The following FRMD4B variants were observed in gnomAD, a reference collection of about 807,000 sequenced individuals.
The protein encoded by FRMD4B is FERM domain containing 4B, also known as FERM domain-containing protein 4B.
Under a neutral mutation model 141.5 loss-of-function variants are expected in FRMD4B, and 74 were observed. The observed-to-expected ratio is 0.52, with a 90% CI of 0.43 to 0.63. FRMD4B has a LOEUF of 0.63. FRMD4B is among the 30% of genes least tolerant of loss of function. The pLI, the probability that FRMD4B is intolerant of heterozygous loss-of-function variation, is 0.00. For synonymous variants in FRMD4B, 506 were observed against 467.9 expected, an observed-to-expected ratio of 1.08 and a Z score of -1.05; for missense variants, 1,366 against 1,253.4, an observed-to-expected ratio of 1.09 and a Z score of -1.36.
chr3:69,393,551 T>A (rs1289176179), intron 2 of FRMD4B, among the ~76,000 whole-genome samples: 1 of 152,176 alleles, frequency 6.6e-6, no homozygotes, highest in Non-Finnish European at 1.5e-5. Context: ...GGTATCAATC[T>A]TGTGACTGAC....
chr3:69,286,460 A>C (rs1002998888), intron 5 of FRMD4B, among the ~76,000 whole-genome samples: 5 of 21,064 alleles, frequency 2.4e-4, no homozygotes, highest in Non-Finnish European at 1.0e-3. Flanking sequence ...AGACTTGATA[A>C]GTTAAAAATG....
At position 69,198,700 on chromosome 3, in the gene FRMD4B, T is replaced by A. The variant is rs2092934131; in HGVS notation, c.951A>T (p.Arg317=). The change falls in exon 12 of 23, where the codon CGA becomes CGT. Residue 317 remains arginine (R), a splice_region_variant and synonymous_variant. Transcript: ENST00000398540. Reference sequence around the variant, plus strand: ...AGAGAAACGTCTTTGATCCTCACCTTCGTGGATCATGAACTTCAACAGCAA... The same window carrying A: ...AGAGAAACGTCTTTGATCCTCACCTACGTGGATCATGAACTTCAACAGCAA... ...KKFAVEVHDP[R]RISVSRRTFG... is the part of the protein sequence containing the mutation. 1 of 1,507,562 alleles carries A rather than the reference T, an allele frequency of 6.6e-7. No individual in the cohort carries two copies. 93.4% of individuals were successfully genotyped at this position (1,507,562 alleles called of 1,614,324 possible).
At chr3:69,185,875 C>G (rs1325910251) in intron 19 of FRMD4B, among the ~76,000 whole-genome samples, 1 of 151,820 alleles carries the variant, frequency 6.6e-6, no homozygotes, top group Non-Finnish European at 1.5e-5. Flanking sequence ...AACTCTATCT[C>G]TACTAAAGAT....
At chr3:69,496,638 AGAGAGAGAGAGAGAG>A (rs1706400946) in intron 1 of FRMD4B, among the ~76,000 whole-genome samples, 1 of 39,618 alleles carries the variant, frequency 2.5e-5, no homozygotes, top group Admixed American at 2.6e-4. Context: ...AGAGAGAGAA[AGAGAGAGAGAGAGAG>A]AGAGAGAGAG....
chr3:69,283,429 C>CAAA (rs59444542), intron 5 of FRMD4B, among the ~76,000 whole-genome samples: 3 of 139,454 alleles, frequency 2.2e-5, no homozygotes, highest in East Asian at 2.1e-4. Flanking sequence ...GCAACAACAA[C>CAAA]AAAAAAAAAA....
At position 69,267,615 on chromosome 3, in the gene FRMD4B, A is replaced by C. The variant is rs1479821027; in HGVS notation, c.502-17516T>G. On this transcript the variant is annotated intron_variant, in intron 5 of 22. Transcript: ENST00000398540. The stretch of plus-strand genomic sequence containing the variant: ...TGTGTGTATATATATATATATATAT[A>C]TATATATATATATATATATATAGAG... Among the ~76,000 whole-genome samples the C allele has an allele frequency of 1.1e-4, 11 of 96,996 alleles. 1 individual carries two copies. The highest frequency in any genetic ancestry group is 5.2e-4 in the African/African-American group (11 of 21,284). The allele number at this position is 96,996 out of a possible 152,430, so 63.6% of individuals were successfully genotyped here.
Position 69,313,476 on chromosome 3 carries a change from A to G in FRMD4B, c.204T>C (p.Asp68=), listed in dbSNP as rs1441120774. The stretch of plus-strand genomic sequence containing the variant: ...CCTGAACCAGCAGCTCCAGTCTCCT[A>G]TCATCCAGGAGGTGCACCTGGCAGT... ...GRHCQVHLLD[D]RRLELLVQPK... Residue 68 remains aspartate (D), a synonymous_variant, in exon 2 of 23, where the codon GAT becomes GAC. Transcript: ENST00000398540. The G allele has an allele frequency of 3.2e-6, 5 of 1,572,810 alleles. No individual in the cohort carries two copies. The highest frequency in any genetic ancestry group is 2.3e-5 in the East Asian group (1 of 42,744).
At chr3:69,251,660 C>T (rs533112319) in intron 5 of FRMD4B, among the ~76,000 whole-genome samples, 1 of 152,320 alleles carries the variant, frequency 6.6e-6, no homozygotes, top group Admixed American at 6.5e-5. Flanking sequence ...CAAAAGCTGA[C>T]AGGCCCAGAG....
chr3:69,447,525 C>G (rs1056246009), intron 1 of FRMD4B, among the ~76,000 whole-genome samples: 1 of 152,134 alleles, frequency 6.6e-6, no homozygotes, highest in Non-Finnish European at 1.5e-5. Context: ...TCTTTACCCA[C>G]CACCACAATC....
rs543852561 is a variant in FRMD4B, at chr3:69,329,894, G to C, written c.163-16377C>G. Among the ~76,000 whole-genome samples, 432 of 152,072 alleles carry C rather than the reference G, an allele frequency of 2.8e-3. 3 individuals are homozygous for C. Among genetic ancestry groups the C allele is most frequent in the African/African-American group, 1.0e-2 (413 of 41,478 alleles). On this transcript the variant is annotated intron_variant, in intron 1 of 22. Transcript: ENST00000398540. Reference sequence around the variant, plus strand: ...ACCCCTATGACACGAGTTTACCTGTGTAACAAACCTTCACATGAACCTCCC... The same window carrying C: ...ACCCCTATGACACGAGTTTACCTGTCTAACAAACCTTCACATGAACCTCCC...
At chr3:69,411,625 C>T (rs1704762571) in intron 2 of FRMD4B, among the ~76,000 whole-genome samples, 2 of 152,212 alleles carry the variant, frequency 1.3e-5, no homozygotes, top group South Asian at 4.1e-4. Flanking sequence ...AACAAAGTCT[C>T]CAGTTCCAAA....
In FRMD4B at chr3:69,401,734, A is replaced by C. The variant is rs534891411; in HGVS notation, c.-1+30900T>G. Among the ~76,000 whole-genome samples, 13 of 152,206 alleles carry C rather than the reference A, an allele frequency of 8.5e-5. 1 individual carries two copies. In the South Asian group the frequency reaches 2.7e-3, roughly 32 times the overall value. ...CCCAAAATTTTTATATTTTTTGTAG[A>C]GATGGGGTTTTGCCTTGTTGCCCAA... On this transcript the variant is annotated intron_variant, in intron 2 of 5. Coordinates refer to the FRMD4B transcript ENST00000459638.
chr3:69,514,807 C>G (rs568728866), intron 1 of FRMD4B, among the ~76,000 whole-genome samples: 2 of 152,124 alleles, frequency 1.3e-5, no homozygotes, highest in East Asian at 3.9e-4. Flanking sequence ...TCTACAGATT[C>G]AAAACAATCC....
intron 12 of FRMD4B, 92 bp downstream of exon 12, chr3:69,198,606 A>G (rs540535052): frequency 1.7e-5 from 12 of 710,510 alleles, no homozygotes; most frequent in South Asian, 4.8e-5. Context: ...AAATGAAAAC[A>G]TATGTTCATA....
intron 1 of FRMD4B, among the ~76,000 whole-genome samples, chr3:69,461,905 T>G (rs1386232278): frequency 2.0e-5 from 3 of 152,198 alleles, no homozygotes; most frequent in Non-Finnish European, 4.4e-5. Context: ...CATGGCATCC[T>G]TCCTGTAGGT....
chr3:69,478,301 T>C (rs1706039889), intron 1 of FRMD4B, among the ~76,000 whole-genome samples: 1 of 152,188 alleles, frequency 6.6e-6, no homozygotes, highest in Non-Finnish European at 1.5e-5. Context: ...GATGTTAGAG[T>C]GTCAATTTTG....
intron 1 of FRMD4B, among the ~76,000 whole-genome samples, chr3:69,325,487 TA>T (rs1167335534): frequency 6.6e-6 from 1 of 152,176 alleles, no homozygotes; most frequent in African/African-American, 2.4e-5. Flanking sequence ...AGCAACTTAT[TA>T]AGCCTGGAGC....
At chr3:69,233,109 G>C (rs2093321864) in intron 7 of FRMD4B, among the ~76,000 whole-genome samples, 1 of 151,394 alleles carries the variant, frequency 6.6e-6, no homozygotes, top group Admixed American at 6.6e-5. Flanking sequence ...CCAAACCAAA[G>C]GTGCATAAAA....
At chr3:69,184,298 C>T (rs7623429) in intron 19 of FRMD4B, among the ~76,000 whole-genome samples, 148,050 of 152,326 alleles carry the variant, frequency 0.97, 72,090 homozygotes, top group East Asian at 1. Flanking sequence ...TGTATTTATA[C>T]ATAAACATAC....
Sources: allele counts gnomAD v4.1 joint callset (sites outside exome capture counted in the v4.1 genomes callset), GRCh38; gene constraint gnomAD v4.1.1; transcripts MANE v1.5; gene names NCBI Gene and HGNC (gene_info 2026-07-23, HGNC 2026-07-21).